Variants in LRRC37A2 observed in about 807,000 individuals in gnomAD.
LRRC37A2 encodes leucine rich repeat containing 37 member A2, also known as leucine-rich repeat-containing protein 37A2.
LRRC37A2 carries 9 observed loss-of-function variants against 68.8 expected under a neutral mutation model. The ratio of observed to expected loss-of-function variants is 0.13; its 90% confidence interval spans 0.08 to 0.23. The LOEUF is 0.23. Ranked by LOEUF, LRRC37A2 falls within the 10% of genes least tolerant of loss-of-function variation. LRRC37A2 has a pLI of 1.00. For synonymous variants in LRRC37A2, 63 were observed against 367.6 expected (o/e 0.17, Z 9.48); for missense variants, 168 against 950.4 (o/e 0.18, Z 10.82).
the LRRC37A2 span, among the ~76,000 whole-genome samples, chr17:46,795,710 A>G: frequency 0.99 from 150,242 of 152,328 alleles, 74,124 homozygotes; most frequent in East Asian, 1. Context: ...TGACTCACAA[A>G]CGATTCTGCC....
the LRRC37A2 span, among the ~76,000 whole-genome samples, chr17:46,501,161 T>TA: frequency 6.6e-6 from 1 of 151,186 alleles, no homozygotes; most frequent in Non-Finnish European, 1.5e-5. Flanking sequence ...AGTAGCTAGG[T>TA]ACAAGCCACC....
At chr17:46,492,689 GTTTTTTTT>G in the LRRC37A2 span, among the ~76,000 whole-genome samples, 38 of 107,804 alleles carry the variant, frequency 3.5e-4, no homozygotes, top group African/African-American at 1.6e-3. Context: ...GTTTTGTTTT[GTTTTTTTT>G]TTTTTTTTTT....
the LRRC37A2 span, among the ~76,000 whole-genome samples, chr17:46,912,817 T>A: frequency 2.1e-3 from 326 of 152,160 alleles, no homozygotes; most frequent in Non-Finnish European, 3.0e-3. Flanking sequence ...CCATCAGAGG[T>A]GTCCTGTTTA....
chr17:46,923,357 C>T, the LRRC37A2 span: 349 of 1,504,904 alleles, frequency 2.3e-4, no homozygotes, highest in African/African-American at 3.0e-4. Context: ...GGGATGCCTC[C>T]GAAGTGCTTA....
At chr17:46,960,574 A>T in the LRRC37A2 span, among the ~76,000 whole-genome samples, 5 of 152,370 alleles carry the variant, frequency 3.3e-5, no homozygotes, top group South Asian at 1.0e-3. Context: ...ATTTATTTGC[A>T]ATCACCAAAA....
chr17:47,022,487 T>C, the LRRC37A2 span, among the ~76,000 whole-genome samples: 1 of 151,986 alleles, frequency 6.6e-6, no homozygotes, highest in African/African-American at 2.4e-5. Flanking sequence ...CCATTTTTAA[T>C]GTATAAAAAT....
chr17:46,941,834 C>T, the LRRC37A2 span: 1 of 616,218 alleles, frequency 1.6e-6, no homozygotes. Context: ...GATCTGCCTG[C>T]TTCGGCCTCC....
chr17:47,024,829 T>C, the LRRC37A2 span: 6 of 633,866 alleles, frequency 9.5e-6, no homozygotes, highest in Non-Finnish European at 1.7e-5. Flanking sequence ...TTAGATAATC[T>C]CTCAGATTTC....
the LRRC37A2 span, chr17:46,923,631 G>A: frequency 0.6 from 730,208 of 1,209,752 alleles, 221,307 homozygotes; most frequent in Non-Finnish European, 0.61. Flanking sequence ...TGGAGAGTCA[G>A]GGCACGTACG....
chr17:46,711,798 T>C, the LRRC37A2 span, among the ~76,000 whole-genome samples: 1 of 152,128 alleles, frequency 6.6e-6, no homozygotes, highest in South Asian at 2.1e-4. Flanking sequence ...GAGAAACATA[T>C]TAAGCCATGA....
At chr17:46,934,695 CAG>C in the LRRC37A2 span, among the ~76,000 whole-genome samples, 299 of 152,290 alleles carry the variant, frequency 2.0e-3, 1 homozygote, top group African/African-American at 6.7e-3. Flanking sequence ...AGTGAGTAGT[CAG>C]AGAAAGCCTT....
chr17:46,979,316 GC>G, the LRRC37A2 span: 1 of 213,526 alleles, frequency 4.7e-6, no homozygotes. Context: ...CAACGGCCCG[GC>G]CCCGCCCCGC....
the LRRC37A2 span, among the ~76,000 whole-genome samples, chr17:46,952,314 A>G: frequency 1.3e-5 from 2 of 152,232 alleles, no homozygotes; most frequent in Non-Finnish European, 2.9e-5. Context: ...CAGCAGCCCA[A>G]AGCAGTCGGT....
At chr17:46,833,998 C>T in the LRRC37A2 span, among the ~76,000 whole-genome samples, 17 of 152,046 alleles carry the variant, frequency 1.1e-4, no homozygotes, top group Admixed American at 7.9e-4. Flanking sequence ...GAGTTTGAGA[C>T]CAACCTGGGC....
At chr17:46,954,261 C>T in the LRRC37A2 span, among the ~76,000 whole-genome samples, 35 of 152,300 alleles carry the variant, frequency 2.3e-4, no homozygotes, top group African/African-American at 7.9e-4. Context: ...TATGGCTAGC[C>T]AGTTTTCTCA....
At chr17:46,542,809 C>T (rs895378771) in intron 8 of LRRC37A2, among the ~76,000 whole-genome samples, 63 of 150,740 alleles carry the variant, frequency 4.2e-4, no homozygotes, top group Non-Finnish European at 7.9e-4. Context: ...CACCAGCCCC[C>T]ACAATATGGC....
Position 46,541,904 on chromosome 17 carries a change from C to T in LRRC37A2, c.3053+1023C>T, listed in dbSNP as rs559268759. ...ATCCCCTGCAGACACCGAGGGACAA[C>T]TGTTCACTCCTTTTTATTGCTGAGT... On this transcript the variant is annotated intron_variant, in intron 8 of 14. Transcript: ENST00000576629. 2.7e-5 allele frequency among the ~76,000 whole-genome samples: 4 copies of T among 148,882 alleles called. No individual in the cohort carries two copies. The East Asian group carries it at 7.9e-4, about 29-fold the overall frequency.
At chr17:47,034,164 C>G in the LRRC37A2 span, among the ~76,000 whole-genome samples, 2 of 152,152 alleles carry the variant, frequency 1.3e-5, no homozygotes, top group African/African-American at 2.4e-5. Flanking sequence ...AGTGAGACCC[C>G]AATCTCTACA....
In LRRC37A2 at chr17:46,545,227, T is replaced by C. The variant is rs1445397698; in HGVS notation, c.3054-1028T>C. On this transcript the variant is annotated intron_variant, in intron 8 of 14. Coordinates refer to ENST00000576629, the Ensembl canonical transcript of LRRC37A2. ...TGGGAGGATTGCTTGAGCCCAGGAGTTCTACACCAGCCTGAGCAACATGGG... is the reference window on the plus strand; with the variant it reads ...TGGGAGGATTGCTTGAGCCCAGGAGCTCTACACCAGCCTGAGCAACATGGG... Among the ~76,000 whole-genome samples the C allele has an allele frequency of 2.2e-3, 295 of 136,268 alleles. 11 individuals are homozygous for C. Among genetic ancestry groups the C allele is most frequent in the African/African-American group, 9.0e-3 (287 of 31,956 alleles). 89.4% of individuals were successfully genotyped at this position (136,268 alleles called of 152,430 possible). A position where few individuals can be genotyped will look rare whatever the true frequency, so the allele number is the denominator to read the frequency against.
Sources: allele counts gnomAD v4.1 joint callset (sites outside exome capture counted in the v4.1 genomes callset), GRCh38; gene constraint gnomAD v4.1.1; transcripts MANE v1.5; gene names NCBI Gene and HGNC (gene_info 2026-07-23, HGNC 2026-07-21).